FBXO22: variants seen among roughly 807,000 people sequenced by gnomAD.
FBXO22 encodes the protein F-box only protein 22.
Under a neutral mutation model 37.2 loss-of-function variants are expected in FBXO22, and 13 were observed. That is an observed-to-expected ratio of 0.35 (90% confidence interval 0.23 to 0.56). FBXO22 has a LOEUF of 0.56. Ranked by LOEUF, FBXO22 falls within the 20% of genes least tolerant of loss-of-function variation. The pLI, the probability that FBXO22 is intolerant of heterozygous loss-of-function variation, is 0.87. For synonymous variants in FBXO22, 189 were observed against 189.1 expected, an observed-to-expected ratio of 1.00 and a Z score of 0.00; for missense variants, 446 against 509.9, an observed-to-expected ratio of 0.87 and a Z score of 1.21.
At chr15:75,906,702 A>T (rs1394622877) in intron 2 of FBXO22, among the ~76,000 whole-genome samples, 3 of 152,146 alleles carry the variant, frequency 2.0e-5, no homozygotes, top group Non-Finnish European at 1.5e-5. Context: ...GCTGGCCAGT[A>T]TCCAAAGGCA....
Position 75,904,077 on chromosome 15 carries a change from C to T in FBXO22, c.114C>T (p.Pro38=), listed in dbSNP as rs780157276. Residue 38 remains proline, a synonymous_variant, in exon 1 of 7, where the codon CCC becomes CCT. Transcript: ENST00000308275. ...TGGAGCGTGTGCTCACCTTCCTGCC[C>T]GCCAAGGCGTTGCTGCGGGTGGCCT... ...EVVERVLTFL[P]AKALLRVACV... 12 of 1,548,828 alleles carry T rather than the reference C, an allele frequency of 7.7e-6. No individual in the cohort carries two copies. In the Middle Eastern group the frequency reaches 5.4e-4, roughly 69 times the overall value.
chr15:75,917,300 A>G lies in FBXO22; in HGVS notation c.534A>G (p.Leu178=), dbSNP rs1900212687. 6.2e-7 allele frequency: 1 copy of G among 1,611,370 alleles called. No individual in the cohort carries two copies. The highest frequency in any genetic ancestry group is 8.5e-7 in the Non-Finnish European group (1 of 1,178,056). ...TTGGAGAATCTGGTTTTGCTTTATT[A>G]TTCCCTCAAATTGAAGGAATAAAAA... The part of the protein sequence containing the change: ...IEIGESGFAL[L]FPQIEGIKIQ... Residue 178 remains leucine, a synonymous_variant, in exon 5 of 7, where the codon TTA becomes TTG. Transcript: ENST00000308275.
At chr15:75,914,229 G>T in intron 4 of FBXO22, 24 bp downstream of exon 4, 2 of 1,523,888 alleles carry the variant, frequency 1.3e-6, no homozygotes, top group Non-Finnish European at 1.8e-6. Flanking sequence ...GCAACTTGAT[G>T]ATTTCTTCCT....
intron 5 of FBXO22, among the ~76,000 whole-genome samples, chr15:75,929,616 A>T (rs1039537190): frequency 6.6e-6 from 1 of 151,514 alleles, no homozygotes; most frequent in African/African-American, 2.4e-5. Flanking sequence ...TGATTGCATT[A>T]TTTATTAACA....
Position 75,910,163 on chromosome 15 carries a change from A to G in FBXO22, c.280-3040A>G, listed in dbSNP as rs574773129. On this transcript the variant is annotated intron_variant, in intron 2 of 6. Transcript: ENST00000308275. ...GTGCCACATTTTCTTCATCCAGTCT[A>G]TCACTGATGGGCATTTGAGTTGGTT... 5.3e-5 allele frequency among the ~76,000 whole-genome samples: 8 copies of G among 152,262 alleles called. No individual in the cohort carries two copies. The East Asian group carries it at 1.2e-3, about 22-fold the overall frequency.
chr15:75,903,992 G>A lies in FBXO22; in HGVS notation c.29G>A (p.Cys10Tyr). ...GAGCCGGTAGGCTGCTGCGGCGAGT[G>A]CCGCGGCTCCTCCGTAGACCCGCGG... MEPVGCCGE[C>Y]RGSSVDPRST... is the part of the protein sequence containing the mutation. The change falls in exon 1 of 7, where the codon TGC (cysteine) becomes TAC (tyrosine). Residue 10 changes from cysteine (C) to tyrosine (Y), a missense_variant. Cys to Tyr is a radical substitution (Grantham distance 194, BLOSUM62 -2). Transcript: ENST00000308275. 6.3e-7 allele frequency: 1 copy of A among 1,579,402 alleles called. No individual in the cohort carries two copies. The highest frequency in any genetic ancestry group is 8.6e-7 in the Non-Finnish European group (1 of 1,162,204).
At chr15:75,926,281 G>A (rs1900438794) in intron 5 of FBXO22, among the ~76,000 whole-genome samples, 1 of 152,150 alleles carries the variant, frequency 6.6e-6, no homozygotes, top group African/African-American at 2.4e-5. Flanking sequence ...GGAAAACTTG[G>A]CATTGCTCCT....
chr15:75,912,013 T>A (rs1449410646), intron 2 of FBXO22, among the ~76,000 whole-genome samples: 1 of 151,624 alleles, frequency 6.6e-6, no homozygotes. Flanking sequence ...CTGCATCTAT[T>A]GAGATACTCG....
At chr15:75,911,079 T>G (rs779978537) in intron 2 of FBXO22, among the ~76,000 whole-genome samples, 1 of 152,198 alleles carries the variant, frequency 6.6e-6, no homozygotes, top group Admixed American at 6.5e-5. Context: ...GTTGTAGATG[T>G]GTGGTGTTAT....
chr15:75,928,975 A>G (rs2029905396), intron 5 of FBXO22, among the ~76,000 whole-genome samples: 1 of 152,168 alleles, frequency 6.6e-6, no homozygotes, highest in African/African-American at 2.4e-5. Flanking sequence ...TATTTCAGTG[A>G]TGTAGTAGTT....
intron 5 of FBXO22, among the ~76,000 whole-genome samples, chr15:75,926,769 A>G (rs1302093186): frequency 2.0e-5 from 3 of 152,218 alleles, no homozygotes; most frequent in Admixed American, 2.0e-4. Flanking sequence ...GAATGGTTAC[A>G]TTCCTGTGAG....
At position 75,932,938 on chromosome 15, in the gene FBXO22, C is replaced by T; in HGVS notation, c.1048C>T (p.Pro350Ser). Residue 350 changes from proline to serine, a missense_variant, in exon 7 of 7, where the codon CCT becomes TCT. Physicochemically the swap from Pro to Ser is moderately conservative, Grantham distance 74. Transcript: ENST00000308275. ...VEADAFRKFFPSVPLFGFFGN... is the reference protein window; with the variant it reads ...VEADAFRKFFSSVPLFGFFGN... Reference sequence around the variant, plus strand: ...GGCTGATGCATTTAGAAAGTTTTTTCCTAGTGTTCCCTTATTCGGCTTCTT... The same window carrying T: ...GGCTGATGCATTTAGAAAGTTTTTTTCTAGTGTTCCCTTATTCGGCTTCTT... 6.2e-7 allele frequency: 1 copy of T among 1,614,186 alleles called. No individual in the cohort carries two copies. The highest frequency in any genetic ancestry group is 8.5e-7 in the Non-Finnish European group (1 of 1,180,040).
rs1900210920 is a variant in FBXO22 at position 75,917,228 on chromosome 15, A to G, written c.464-2A>G. Reference sequence around the variant, plus strand: ...GGTGAAACTGTTTAACTTTTTCTCTAGTGACTCCAATGGGATCAGGTAGCA... The same window carrying G: ...GGTGAAACTGTTTAACTTTTTCTCTGGTGACTCCAATGGGATCAGGTAGCA... On this transcript the variant is annotated splice_acceptor_variant, in intron 4 of 6. Coordinates refer to ENST00000308275, the MANE Select transcript of FBXO22 (RefSeq NM_147188.3). LOFTEE classifies it high-confidence loss of function. The G allele has an allele frequency of 2.5e-6, 4 of 1,604,978 alleles. No individual in the cohort carries two copies. Among genetic ancestry groups the G allele is most frequent in the Non-Finnish European group, 3.4e-6 (4 of 1,177,358 alleles).
rs1453494720 is a variant in FBXO22, at chr15:75,929,953, G to C, written c.698G>C (p.Ser233Thr). 34 of 1,614,032 alleles carry C rather than the reference G, an allele frequency of 2.1e-5. No individual in the cohort carries two copies. In the East Asian group the frequency reaches 7.6e-4, roughly 36 times the overall value. The part of the protein sequence containing the change: ...FGYNCCKVGA[S>T]NYLQQVVSTF... ...TATAATTGCTGTAAGGTGGGAGCCA[G>C]TAATTATCTGCAGCAAGTAGTCAGC... Residue 233 changes from serine to threonine, a missense_variant, in exon 6 of 7, where the codon AGT (serine) becomes ACT (threonine). By Grantham distance (58) the Ser-to-Thr change is moderately conservative (BLOSUM62 1). Coordinates refer to ENST00000308275, the MANE Select transcript of FBXO22 (RefSeq NM_147188.3).
In FBXO22 at chr15:75,940,316, A is replaced by G. The variant is rs1019224346; in HGVS notation, c.*7214A>G. 1 of 152,032 alleles carries G rather than the reference A, an allele frequency of 6.6e-6. No individual in the cohort carries two copies. Among genetic ancestry groups the G allele is most frequent in the African/African-American group, 2.4e-5 (1 of 41,358 alleles). The allele number at this position is 152,032 out of a possible 1,614,324, so 9.4% of individuals were successfully genotyped here. A position where few individuals can be genotyped will look rare whatever the true frequency, so the allele number is the denominator to read the frequency against. ...GTAAATGGCTTGTACAATGAAAACT[A>G]CAAAACATTGCTTCAATAAAGATAA... On this transcript the variant is annotated 3_prime_UTR_variant, in exon 7 of 7. Transcript: ENST00000308275.
intron 5 of FBXO22, among the ~76,000 whole-genome samples, chr15:75,927,980 G>A (rs1458009929): frequency 3.9e-5 from 6 of 152,000 alleles, no homozygotes; most frequent in Admixed American, 3.9e-4. Context: ...ACATACATGC[G>A]GCCAACAATC....
intron 2 of FBXO22, among the ~76,000 whole-genome samples, chr15:75,911,306 C>A (rs2141705484): frequency 6.6e-6 from 1 of 152,242 alleles, no homozygotes; most frequent in Non-Finnish European, 1.5e-5. Context: ...TGAAGAAAGT[C>A]AGTGGTAGCT....
intron 5 of FBXO22, among the ~76,000 whole-genome samples, chr15:75,924,903 T>G (rs1330868793): frequency 6.6e-6 from 1 of 152,092 alleles, no homozygotes; most frequent in South Asian, 2.1e-4. Flanking sequence ...CCTTCTGACT[T>G]TCTTCTAGGT....
At chr15:75,905,825 G>A (rs575945531) in intron 2 of FBXO22, among the ~76,000 whole-genome samples, 2 of 152,182 alleles carry the variant, frequency 1.3e-5, no homozygotes, top group East Asian at 3.9e-4. Context: ...CTTTTTTCAC[G>A]GCATACTTTA....
Sources: allele counts gnomAD v4.1 joint callset (sites outside exome capture counted in the v4.1 genomes callset), GRCh38; gene constraint gnomAD v4.1.1; transcripts MANE v1.5; gene names NCBI Gene and HGNC (gene_info 2026-07-23, HGNC 2026-07-21).